EEF1E1: variants seen among roughly 807,000 people sequenced by gnomAD.
The protein encoded by EEF1E1 is eukaryotic translation elongation factor 1 epsilon-1.
In EEF1E1, 19 loss-of-function variants were observed where a neutral mutation model predicts 19.9. The observed-to-expected ratio is 0.95, with a 90% CI of 0.66 to 1.40. The LOEUF is 1.40. Among genes scored for constraint, EEF1E1 ranks in the 40% most tolerant of loss-of-function variants. The pLI is 0.00. For synonymous variants in EEF1E1, 81 were observed against 80.0 expected (o/e 1.01, Z -0.07); for missense variants, 198 against 202.2 (o/e 0.98, Z 0.13).
Position 8,092,868 on chromosome 6 carries a change from G to GTTTTTTTTT in EEF1E1, c.289-2588_289-2587insAAAAAAAAA, listed in dbSNP as rs1554099258. Among the ~76,000 whole-genome samples the GTTTTTTTTT allele has an allele frequency of 2.1e-3, 229 of 107,988 alleles. 21 individuals carry two copies. Among genetic ancestry groups the GTTTTTTTTT allele is most frequent in the Non-Finnish European group, 3.2e-3 (174 of 53,604 alleles). The allele number at this position is 107,988 out of a possible 152,430, so 70.8% of individuals were successfully genotyped here. Reference sequence around the variant, plus strand: ...GTTTTGTGTTTTAGTGATAAAGACTGCTTTTTTTTTTTTTTTTTTTTTTTG... The same window carrying GTTTTTTTTT: ...GTTTTGTGTTTTAGTGATAAAGACTGTTTTTTTTTCTTTTTTTTTTTTTTTTTTTTTTTG... On this transcript the variant is annotated intron_variant, in intron 2 of 3. Transcript: ENST00000379715.
chr6:8,076,539 GGTC>G (rs1757595219), downstream of EEF1E1, among the ~76,000 whole-genome samples: 3 of 151,930 alleles, frequency 2.0e-5, no homozygotes, highest in South Asian at 6.3e-4. Flanking sequence ...TAGCCAGGAT[GGTC>G]TAAATCTCCT....
intron 3 of EEF1E1, among the ~76,000 whole-genome samples, chr6:8,083,680 T>C (rs1225667464): frequency 6.6e-6 from 1 of 152,258 alleles, no homozygotes; most frequent in African/African-American, 2.4e-5. Context: ...AATTATCTGA[T>C]GACTCGAAGG....
chr6:8,079,951 A>T lies in EEF1E1; in HGVS notation c.464T>A (p.Ile155Asn). 1 of 1,613,588 alleles carries T rather than the reference A, an allele frequency of 6.2e-7. No individual in the cohort carries two copies. The highest frequency in any genetic ancestry group is 8.5e-7 in the Non-Finnish European group (1 of 1,179,956). The change falls in exon 4 of 4, where the codon ATC becomes AAC. Residue 155 changes from isoleucine to asparagine, a missense_variant. Coordinates refer to ENST00000379715, the MANE Select transcript of EEF1E1 (RefSeq NM_004280.5). Reference protein sequence around the residue: ...WFCHIQHYPGIRQHLSSVVFI... With the variant: ...WFCHIQHYPGNRQHLSSVVFI... The stretch of plus-strand genomic sequence containing the variant: ...GACAACACTAGACAGATGTTGCCTG[A>T]TGCCTGGATAATGCTGAATGTGACA...
chr6:8,084,977 G>A lies in EEF1E1; in HGVS notation c.385-4947C>T, dbSNP rs924862300. Among the ~76,000 whole-genome samples, 8 of 152,114 alleles carry A rather than the reference G, an allele frequency of 5.3e-5. No homozygotes were observed. The East Asian group carries it at 1.3e-3, about 26-fold the overall frequency. On this transcript the variant is annotated intron_variant, in intron 3 of 3. Transcript: ENST00000379715. ...CTCATGATCATTTTAAATTCGAAAA[G>A]CTACTAAAACATATTGAACCTAGCA...
At chr6:8,074,463 A>G (rs1017202191), downstream of EEF1E1, among the ~76,000 whole-genome samples, 3 of 152,198 alleles carry the variant, frequency 2.0e-5, no homozygotes, top group African/African-American at 7.2e-5. Context: ...GGGAAAATAT[A>G]GTCTCTGCTC....
intron 1 of EEF1E1, among the ~76,000 whole-genome samples, chr6:8,098,397 C>T (rs150842510): frequency 0.03 from 4,553 of 152,180 alleles, 233 homozygotes; most frequent in African/African-American, 0.1. Context: ...GGATTACAAG[C>T]GTGAGCCACC....
chr6:8,102,088 G>GAAA (rs560208901), intron 1 of EEF1E1: 114 of 1,014,384 alleles, frequency 1.1e-4, no homozygotes, highest in South Asian at 1.2e-4. Flanking sequence ...GCGATTACGG[G>GAAA]AAAAAAAAAA....
chr6:8,096,531 T>C (rs1371301486), intron 2 of EEF1E1, among the ~76,000 whole-genome samples: 1 of 152,174 alleles, frequency 6.6e-6, no homozygotes, highest in Non-Finnish European at 1.5e-5. Context: ...TTGTACAACT[T>C]ACATTGCCAG....
chr6:8,074,453 G>A (rs1429569643), downstream of EEF1E1, among the ~76,000 whole-genome samples: 3 of 152,180 alleles, frequency 2.0e-5, no homozygotes, highest in African/African-American at 7.2e-5. Flanking sequence ...GGATAAGCAA[G>A]GGAAAATATA....
rs1758167142 is a variant in EEF1E1 at position 8,096,116 on chromosome 6, G to T, written c.288+1151C>A. ...ATGTCTCAGAGATAACACTTTGGAA[G>T]TTATTTCTATGCTTCTAATACCACA... On this transcript the variant is annotated intron_variant, in intron 2 of 3. Coordinates refer to ENST00000379715, the MANE Select transcript of EEF1E1 (RefSeq NM_004280.5). Among the ~76,000 whole-genome samples the T allele has an allele frequency of 1.3e-5, 2 of 152,226 alleles. 1 individual carries two copies. The highest frequency in any genetic ancestry group is 2.9e-5 in the Non-Finnish European group (2 of 68,040).
intron 3 of EEF1E1, among the ~76,000 whole-genome samples, chr6:8,085,382 G>A (rs1419347741): frequency 6.6e-6 from 1 of 151,916 alleles, no homozygotes; most frequent in African/African-American, 2.4e-5. Flanking sequence ...TGAACTCCTG[G>A]GCTCAAGCTA....
At chr6:8,090,858 CAT>C (rs1411880095) in intron 2 of EEF1E1, among the ~76,000 whole-genome samples, 4 of 152,326 alleles carry the variant, frequency 2.6e-5, no homozygotes, top group South Asian at 4.1e-4. Context: ...GCATGCAGCA[CAT>C]GTCAGGATTT....
downstream of EEF1E1, chr6:8,078,672 AC>A (rs1471272773): frequency 2.0e-5 from 26 of 1,281,270 alleles, no homozygotes; most frequent in Non-Finnish European, 4.1e-6. Context: ...TGACTCAGTC[AC>A]TTCAGAGACA....
At chr6:8,087,964 G>A (rs1757908603) in intron 3 of EEF1E1, among the ~76,000 whole-genome samples, 1 of 152,158 alleles carries the variant, frequency 6.6e-6, no homozygotes, top group African/African-American at 2.4e-5. Flanking sequence ...CAGAGAGATG[G>A]TCATAACAAA....
At chr6:8,083,261 C>T (rs60064451) in intron 3 of EEF1E1, among the ~76,000 whole-genome samples, 28,336 of 152,174 alleles carry the variant, frequency 0.19, 2,861 homozygotes, top group Admixed American at 0.25. Context: ...ACTGGCACCA[C>T]GTTGCCGCCT....
rs566323326 is a variant in EEF1E1, at chr6:8,089,500, C to T, written c.384+686G>A. Among the ~76,000 whole-genome samples, 7 of 152,216 alleles carry T rather than the reference C, an allele frequency of 4.6e-5. No homozygotes were observed. The South Asian group carries it at 6.2e-4, about 14-fold the overall frequency. ...GTTTGAGGGCAGAAAGCATCCAGCA[C>T]GGGAGAAAGACGTAGGCTGGGAGGC... On this transcript the variant is annotated intron_variant, in intron 3 of 3. Coordinates refer to ENST00000379715, the MANE Select transcript of EEF1E1 (RefSeq NM_004280.5).
intron 2 of EEF1E1, among the ~76,000 whole-genome samples, chr6:8,094,315 C>T (rs952432998): frequency 8.6e-5 from 13 of 151,674 alleles, no homozygotes; most frequent in South Asian, 4.2e-4. Context: ...AGCCTAAGGA[C>T]GCCGGGTGCG....
At position 8,090,295 on chromosome 6, in the gene EEF1E1, AAAAC is replaced by A. The variant is rs1284213405; in HGVS notation, c.289-18_289-15del. On this transcript the variant is annotated splice_polypyrimidine_tract_variant and intron_variant, in intron 2 of 3. Coordinates refer to ENST00000379715, the MANE Select transcript of EEF1E1 (RefSeq NM_004280.5). Reference sequence around the variant, plus strand: ...TGAATTAAGATCCTAGAAAAAAGAAAAAACAAATAAATATTAATGTAAAAAACAG... The same window carrying A: ...TGAATTAAGATCCTAGAAAAAAGAAAAAATAAATATTAATGTAAAAAACAG... 1.4e-6 allele frequency: 2 copies of A among 1,441,624 alleles called. No homozygotes were observed. The highest frequency in any genetic ancestry group is 9.2e-7 in the Non-Finnish European group (1 of 1,092,414). 89.3% of individuals were successfully genotyped at this position (1,441,624 alleles called of 1,614,324 possible).
At chr6:8,080,219 G>A (rs1211963848) in intron 3 of EEF1E1, among the ~76,000 whole-genome samples, 189 bp from the exon 4 acceptor site, 3 of 152,118 alleles carry the variant, frequency 2.0e-5, no homozygotes, top group African/African-American at 2.4e-5. Flanking sequence ...AAGGTTCTTC[G>A]TGTTCAATGT....
Sources: allele counts gnomAD v4.1 joint callset (sites outside exome capture counted in the v4.1 genomes callset), GRCh38; gene constraint gnomAD v4.1.1; transcripts MANE v1.5; gene names NCBI Gene and HGNC (gene_info 2026-07-23, HGNC 2026-07-21).